MYO10: variants seen among roughly 807,000 people sequenced by gnomAD.
The protein encoded by MYO10 is unconventional myosin-X.
Under a neutral mutation model 257.3 loss-of-function variants are expected in MYO10, and 133 were observed. The observed-to-expected ratio is 0.52, with a 90% CI of 0.45 to 0.60. The LOEUF (loss-of-function observed/expected upper bound fraction) is 0.60, where lower values mean the gene tolerates loss of function less well. MYO10 is among the 20% of genes least tolerant of loss of function. The pLI, the probability that MYO10 is intolerant of heterozygous loss-of-function variation, is 0.00. For missense variants in MYO10, 2,399 were observed against 2,635.7 expected, an observed-to-expected ratio of 0.91 and a Z score of 1.97; for synonymous variants, 1,104 against 1,028.6, an observed-to-expected ratio of 1.07 and a Z score of -1.40.
At position 16,896,984 on chromosome 5, in the gene MYO10, G is replaced by GA. The variant is rs149466348; in HGVS notation, c.22-19278dup. On this transcript the variant is annotated intron_variant, in intron 1 of 40. Coordinates refer to ENST00000513610, the MANE Select transcript of MYO10 (RefSeq NM_012334.3). ...AGAGAAGGAAAAGAAAGGAGAGAGG[G>GA]AGGACGGGAAGGCAGAAGGAAGAAG... Among the ~76,000 whole-genome samples, 726 of 152,256 alleles carry GA rather than the reference G, an allele frequency of 4.8e-3. 7 individuals are homozygous for GA. The highest frequency in any genetic ancestry group is 0.017 in the African/African-American group (698 of 41,530).
intron 3 of MYO10, among the ~76,000 whole-genome samples, chr5:16,796,638 T>C (rs1741982175): frequency 6.6e-6 from 1 of 152,118 alleles, no homozygotes; most frequent in Admixed American, 6.5e-5. Flanking sequence ...CAGACACAAC[T>C]AGGGAAGTCA....
At chr5:16,774,415 A>G (rs1222689146) in intron 9 of MYO10, among the ~76,000 whole-genome samples, 3 of 152,038 alleles carry the variant, frequency 2.0e-5, no homozygotes, top group African/African-American at 7.2e-5. Context: ...TTACTTATTT[A>G]TTTATTTTTT....
intron 1 of MYO10, among the ~76,000 whole-genome samples, chr5:16,912,122 T>C (rs1401971300): frequency 6.6e-6 from 1 of 152,186 alleles, no homozygotes; most frequent in Non-Finnish European, 1.5e-5. Context: ...ATTTTATGTG[T>C]GGCTCAAGAC....
At position 16,916,180 on chromosome 5, in the gene MYO10, G is replaced by A. The variant is rs541377084; in HGVS notation, c.21+19608C>T. The stretch of plus-strand genomic sequence containing the variant: ...AACCATCTCCAGAGACCTTCGTTCC[G>A]CCACGTCAGGGTCAGCTAATGCTCA... On this transcript the variant is annotated intron_variant, in intron 1 of 40. Coordinates refer to ENST00000513610, the MANE Select transcript of MYO10 (RefSeq NM_012334.3). The A allele has an allele frequency of 6.4e-4, 292 of 455,466 alleles. 6 individuals carry two copies. The highest frequency in any genetic ancestry group is 3.8e-3 in the South Asian group (248 of 64,518). The allele number at this position is 455,466 out of a possible 1,614,324, so 28.2% of individuals were successfully genotyped here. A position where few individuals can be genotyped will look rare whatever the true frequency, so the allele number is the denominator to read the frequency against.
At chr5:16,885,478 C>T (rs1169447055) in intron 1 of MYO10, among the ~76,000 whole-genome samples, 3 of 152,062 alleles carry the variant, frequency 2.0e-5, no homozygotes. Context: ...TCAAGACCAG[C>T]CTGGCCAACA....
At chr5:16,714,268 A>G (rs1255435817) in intron 19 of MYO10, among the ~76,000 whole-genome samples, 1 of 152,096 alleles carries the variant, frequency 6.6e-6, no homozygotes, top group East Asian at 1.9e-4. Context: ...GACTCTTAAA[A>G]TGCTGGAGGG....
intron 26 of MYO10, among the ~76,000 whole-genome samples, chr5:16,697,594 AGGCTAAGGCAGGAGAATCACTT>A (rs1231547192): frequency 6.6e-6 from 1 of 151,974 alleles, no homozygotes; most frequent in African/African-American, 2.4e-5. Context: ...GCTACTCAGG[AGGCTAAGGCAGGAGAATCACTT>A]GAACCCCGGG....
intron 19 of MYO10, among the ~76,000 whole-genome samples, chr5:16,727,957 T>G (rs1016679363): frequency 6.6e-6 from 1 of 152,068 alleles, no homozygotes; most frequent in African/African-American, 2.4e-5. Flanking sequence ...TACAAGCCCT[T>G]TCTCTTTAAT....
Position 16,670,745 on chromosome 5 carries a change from G to C in MYO10, c.5664C>G (p.Thr1888=). The change falls in exon 39 of 41, where the codon ACC becomes ACG. Residue 1888 remains threonine (T), a synonymous_variant. Coordinates refer to ENST00000513610, the MANE Select transcript of MYO10 (RefSeq NM_012334.3). ...ATCCTGTCCGGAAGCTCCGCCTCAG[G>C]GTCCCCTCTAGGAAGCTCGTCCGCC... ...EKRRTSFLEG[T]LRRSFRTGSV... 6.2e-7 allele frequency: 1 copy of C among 1,613,948 alleles called. No homozygotes were observed. The highest frequency in any genetic ancestry group is 8.5e-7 in the Non-Finnish European group (1 of 1,179,880).
At chr5:16,886,301 T>C (rs1193558770) in intron 1 of MYO10, among the ~76,000 whole-genome samples, 1 of 152,162 alleles carries the variant, frequency 6.6e-6, no homozygotes, top group Non-Finnish European at 1.5e-5. Flanking sequence ...TGGAAATGTG[T>C]GGTTTGAGAG....
At chr5:16,886,205 G>T (rs1194745118) in intron 1 of MYO10, among the ~76,000 whole-genome samples, 1 of 152,174 alleles carries the variant, frequency 6.6e-6, no homozygotes, top group African/African-American at 2.4e-5. Flanking sequence ...GCAAGTCAAA[G>T]CTCCACCCTG....
Position 16,772,135 on chromosome 5 carries a change from CTTT to C in MYO10, c.931-2935_931-2933del, listed in dbSNP as rs112723876. The stretch of plus-strand genomic sequence containing the variant: ...TAGTAAGTTATATGAATATTGCATA[CTTT>C]TTTTTTTTTTTGAGATGGAGTTTCA... On this transcript the variant is annotated intron_variant, in intron 9 of 40. Coordinates refer to ENST00000513610, the MANE Select transcript of MYO10 (RefSeq NM_012334.3). 2.7e-3 allele frequency among the ~76,000 whole-genome samples: 387 copies of C among 144,710 alleles called. 2 individuals carry two copies. Among genetic ancestry groups the C allele is most frequent in the African/African-American group, 9.4e-3 (374 of 39,864 alleles). The allele number at this position is 144,710 out of a possible 152,430, so 94.9% of individuals were successfully genotyped here.
chr5:16,694,505 T>G lies in MYO10; in HGVS notation c.3666A>C (p.Lys1222Asn). The G allele has an allele frequency of 1.2e-6, 2 of 1,613,882 alleles. No homozygotes were observed. The highest frequency in any genetic ancestry group is 1.7e-6 in the Non-Finnish European group (2 of 1,179,836). The change falls in exon 27 of 41, where the codon AAA (lysine) becomes AAC (asparagine). Residue 1222 changes from lysine to asparagine, a missense_variant. Coordinates refer to ENST00000513610, the MANE Select transcript of MYO10 (RefSeq NM_012334.3). Reference sequence around the variant, plus strand: ...TGGACAGCGTGGAGGAGCCCCCCCCTTTTTTGTGGAGCCAGCCTTGCTTGA... The same window carrying G: ...TGGACAGCGTGGAGGAGCCCCCCCCGTTTTTGTGGAGCCAGCCTTGCTTGA... ...EALKQGWLHK[K>N]GGGSSTLSRR...
At chr5:16,843,009 T>C (rs1157058135) in intron 2 of MYO10, among the ~76,000 whole-genome samples, 3 of 151,672 alleles carry the variant, frequency 2.0e-5, no homozygotes, top group South Asian at 4.2e-4. Context: ...GTTGGCTCAA[T>C]CATGAAACTG....
intron 14 of MYO10, 22 bp downstream of exon 14, chr5:16,763,459 C>A (rs1740779090): frequency 1.9e-6 from 3 of 1,590,732 alleles, no homozygotes; most frequent in Non-Finnish European, 2.6e-6. Flanking sequence ...GGGACTGTAA[C>A]CATTCTTCAA....
intron 19 of MYO10, among the ~76,000 whole-genome samples, chr5:16,736,404 G>A (rs1319688737): frequency 3.3e-5 from 5 of 152,150 alleles, no homozygotes; most frequent in African/African-American, 1.2e-4. Context: ...ATGCAACAGC[G>A]CTGCAAACAA....
chr5:16,914,373 C>A (rs1184879476), intron 1 of MYO10, among the ~76,000 whole-genome samples: 1 of 152,164 alleles, frequency 6.6e-6, no homozygotes, highest in East Asian at 1.9e-4. Flanking sequence ...CACTAAGAAG[C>A]CTGCAAGCCC....
intron 2 of MYO10, among the ~76,000 whole-genome samples, chr5:16,856,013 G>A (rs1743950165): frequency 1.3e-5 from 2 of 152,294 alleles, no homozygotes; most frequent in East Asian, 1.9e-4. Flanking sequence ...CGTCTGAAAC[G>A]AAGCAACTGC....
chr5:16,900,414 T>C (rs2126783607), intron 1 of MYO10, among the ~76,000 whole-genome samples: 1 of 152,114 alleles, frequency 6.6e-6, no homozygotes, highest in East Asian at 1.9e-4. Flanking sequence ...GGGCTACAGG[T>C]TAGACACTGT....
Sources: gnomAD v4.1 joint callset for allele counts (sites outside exome capture counted in the v4.1 genomes callset) on GRCh38, gnomAD v4.1.1 for gene constraint, MANE v1.5 for transcripts, NCBI Gene and HGNC (gene_info 2026-07-23, HGNC 2026-07-21) for gene names.